Variants in PLEKHM2 observed in about 807,000 individuals in gnomAD.
PLEKHM2 encodes the protein pleckstrin homology domain-containing family M member 2.
Under a neutral mutation model 116.3 loss-of-function variants are expected in PLEKHM2, and 77 were observed. The observed-to-expected ratio is 0.66, with a 90% confidence interval of 0.55 to 0.80. The LOEUF (loss-of-function observed/expected upper bound fraction) is 0.80, where lower values mean the gene tolerates loss of function less well. PLEKHM2 is among the 30% of genes least tolerant of loss of function. The pLI is 0.00. For synonymous variants in PLEKHM2, 562 were observed against 571.0 expected (o/e 0.98, Z 0.22); for missense variants, 1,183 against 1,354.9 (o/e 0.87, Z 1.99).
chr1:15,696,574 C>T (rs1641001747), intron 1 of PLEKHM2, among the ~76,000 whole-genome samples: 1 of 152,096 alleles, frequency 6.6e-6, no homozygotes, highest in South Asian at 2.1e-4. Context: ...TGGTCTCGAA[C>T]TCCTGACCTC....
intron 17 of PLEKHM2, 81 bp from the exon 18 acceptor site, chr1:15,732,269 G>A (rs951806962): frequency 1.1e-5 from 14 of 1,228,986 alleles, no homozygotes; most frequent in Non-Finnish European, 1.6e-5. Flanking sequence ...CAGAAGGGCT[G>A]GCTGGTCCCC....
rs1023138243 is a variant in PLEKHM2 at position 15,728,551 on chromosome 1, C to G, written c.1922-118C>G. The G allele has an allele frequency of 9.6e-7, 1 of 1,044,832 alleles. No individual in the cohort carries two copies. The highest frequency in any genetic ancestry group is 1.4e-6 in the Non-Finnish European group (1 of 694,790). The allele number at this position is 1,044,832 out of a possible 1,614,324, so 64.7% of individuals were successfully genotyped here. ...CCCTCTGTGAGCACTCCACGCCATT[C>G]TCCTACTGCAGGGCAAGGAGAGGCC... is the stretch of plus-strand genomic sequence containing the variant. On this transcript the variant is annotated intron_variant, in intron 11 of 19. Transcript: ENST00000375799. This position sits in a 1 kb window ranked among gnomAD's most constrained non-coding sequence, Gnocchi z 5.9.
intron 1 of PLEKHM2, among the ~76,000 whole-genome samples, chr1:15,712,118 CAAAAAAAAA>C (rs1005404755): frequency 3.9e-5 from 2 of 51,688 alleles, no homozygotes; most frequent in Non-Finnish European, 8.8e-5. Flanking sequence ...GATTCAGTCT[CAAAAAAAAA>C]AAAAAAAAAA....
rs150468285 is a variant in PLEKHM2 at position 15,702,679 on chromosome 1, A to G, written c.61-13558A>G. 2.4e-3 allele frequency among the ~76,000 whole-genome samples: 355 copies of G among 149,650 alleles called. 2 individuals carry two copies. The highest frequency in any genetic ancestry group is 8.4e-3 in the African/African-American group (341 of 40,680). ...GTGATCTCTCCACCTTGACCTCCCA[A>G]AGTGCTGGGATTACAGGCATAAGCC... On this transcript the variant is annotated intron_variant, in intron 1 of 19. Coordinates refer to ENST00000375799, the MANE Select transcript of PLEKHM2 (RefSeq NM_015164.4).
intron 16 of PLEKHM2, 76 bp from the exon 17 acceptor site, chr1:15,731,813 G>A (rs528835994): frequency 1.3e-5 from 17 of 1,338,290 alleles, no homozygotes; most frequent in Admixed American, 8.2e-5. Flanking sequence ...CGCACACCCC[G>A]CACCAACCCT....
At position 15,731,241 on chromosome 1, in the gene PLEKHM2, C is replaced by T. The variant is rs1274706690; in HGVS notation, c.2449C>T (p.Leu817Phe). 1.3e-6 allele frequency: 2 copies of T among 1,592,810 alleles called. No homozygotes were observed. The highest frequency in any genetic ancestry group is 2.3e-5 in the East Asian group (1 of 43,888). The change falls in exon 16 of 20, where the codon CTC becomes TTC. Residue 817 changes from leucine (L) to phenylalanine (F), a missense_variant. Leu to Phe is a conservative substitution (Grantham distance 22). This residue lies in a region of PLEKHM2 where 594 missense variants were observed against 720.1 expected (regional missense o/e 0.82). Transcript: ENST00000375799. ...GGACCGCACCGACGTCATCCCTCTGCTCTCGGTGAACATGGGGTAAGTGTC... is the reference window on the plus strand; with the variant it reads ...GGACCGCACCGACGTCATCCCTCTGTTCTCGGTGAACATGGGGTAAGTGTC... ...YPDRTDVIPL[L>F]SVNMGGEQCG... is the part of the protein sequence containing the mutation.
At chr1:15,684,682 G>A in intron 1 of PLEKHM2, 64 bp downstream of exon 1, 1 of 1,006,652 alleles carries the variant, frequency 9.9e-7, no homozygotes, top group Non-Finnish European at 1.3e-6. Context: ...CCCTCCGGCG[G>A]CGCTCTCCCG....
At chr1:15,711,584 TC>T (rs1202993221) in intron 1 of PLEKHM2, among the ~76,000 whole-genome samples, 1 of 146,548 alleles carries the variant, frequency 6.8e-6, no homozygotes, top group Non-Finnish European at 1.5e-5. Context: ...GCCAGTGCAC[TC>T]CAGCCTGGGC....
intron 4 of PLEKHM2, 54 bp from the exon 5 acceptor site, chr1:15,718,484 G>T: frequency 1.9e-6 from 2 of 1,065,062 alleles, no homozygotes; most frequent in Non-Finnish European, 2.8e-6. Flanking sequence ...GTAAGGTTAG[G>T]CCAGGCTGGT....
chr1:15,684,513 CGGCGGCGGCGGT>C lies in PLEKHM2; in HGVS notation c.-40_-29del. 9.6e-7 allele frequency: 1 copy of C among 1,037,386 alleles called. No homozygotes were observed. Among genetic ancestry groups the C allele is most frequent in the Non-Finnish European group, 1.2e-6 (1 of 848,166 alleles). 64.3% of individuals were successfully genotyped at this position (1,037,386 alleles called of 1,614,324 possible). A position where few individuals can be genotyped will look rare whatever the true frequency, so the allele number is the denominator to read the frequency against. ...CCCGGCGCGGGAAGCGGCGGCGGGGCGGCGGCGGCGGTGGCGGTGGCGGTGGCGGCGACGGTG... is the reference window on the plus strand; with the variant it reads ...CCCGGCGCGGGAAGCGGCGGCGGGGCGGCGGTGGCGGTGGCGGCGACGGTG... On this transcript the variant is annotated 5_prime_UTR_variant, in exon 1 of 20. Coordinates refer to ENST00000375799, the MANE Select transcript of PLEKHM2 (RefSeq NM_015164.4).
At chr1:15,685,635 A>G (rs906210846) in intron 1 of PLEKHM2, among the ~76,000 whole-genome samples, 1 of 152,152 alleles carries the variant, frequency 6.6e-6, no homozygotes, top group African/African-American at 2.4e-5. Context: ...TTGAAGAAGC[A>G]AAATGGATAG....
chr1:15,730,797 C>G (rs897130193), intron 15 of PLEKHM2, 75 bp downstream of exon 15: 1 of 1,223,944 alleles, frequency 8.2e-7, no homozygotes, highest in African/African-American at 1.5e-5. Flanking sequence ...CAGCGGGGAT[C>G]TCTCCGCAGC....
At chr1:15,684,721 C>A in intron 1 of PLEKHM2, 103 bp downstream of exon 1, 1 of 571,852 alleles carries the variant, frequency 1.7e-6, no homozygotes, top group Non-Finnish European at 2.5e-6. Flanking sequence ...TTCCCCTCCG[C>A]GACCCGGGGG....
At chr1:15,704,298 G>C (rs1027350361) in intron 1 of PLEKHM2, among the ~76,000 whole-genome samples, 4 of 151,166 alleles carry the variant, frequency 2.6e-5, no homozygotes, top group Admixed American at 6.6e-5. Flanking sequence ...CACTCCCTCC[G>C]TCCCTCCCTC....
rs1357492376 is a variant in PLEKHM2 at position 15,719,362 on chromosome 1, GA to G, written c.466-370del. On this transcript the variant is annotated intron_variant, in intron 5 of 19. Transcript: ENST00000375799. This position sits in a 1 kb window ranked among gnomAD's most constrained non-coding sequence, Gnocchi z 4.1. ...AGCTACTTGGGAGGCTGAGGCAGGA[GA>G]ATCGCTCGAACCCGGGAGGTGGAAG... is the stretch of plus-strand genomic sequence containing the variant. Among the ~76,000 whole-genome samples the G allele has an allele frequency of 1.3e-5, 2 of 152,046 alleles. No individual in the cohort carries two copies. The highest frequency in any genetic ancestry group is 4.8e-5 in the African/African-American group (2 of 41,408).
chr1:15,714,800 C>A (rs987209380), intron 1 of PLEKHM2, among the ~76,000 whole-genome samples: 3 of 152,262 alleles, frequency 2.0e-5, no homozygotes, highest in African/African-American at 7.2e-5. Flanking sequence ...TTGTGTTCCA[C>A]TCCCTTCTGG....
At chr1:15,700,070 G>A (rs553235904) in intron 1 of PLEKHM2, among the ~76,000 whole-genome samples, 2 of 152,076 alleles carry the variant, frequency 1.3e-5, no homozygotes, top group African/African-American at 4.8e-5. Context: ...GAAGCGGCAG[G>A]CACCCAGCAG....
rs1293894993 is a variant in PLEKHM2, at chr1:15,721,539, G to A, written c.712+151G>A. Among the ~76,000 whole-genome samples the A allele has an allele frequency of 3.3e-5, 5 of 152,134 alleles. No individual in the cohort carries two copies. Among genetic ancestry groups the A allele is most frequent in the African/African-American group, 7.2e-5 (3 of 41,416 alleles). On this transcript the variant is annotated intron_variant, in intron 7 of 19. Transcript: ENST00000375799. The surrounding 1 kb of genome is among the most constrained non-coding windows in gnomAD (Gnocchi z 5.1). ...TTGGTGTTCTAATAGATGGAATTCT[G>A]CAGTGGGAAAACTCAACCTCTAGCC...
chr1:15,720,719 C>T (rs751431522), intron 6 of PLEKHM2: 1 of 152,334 alleles, frequency 6.6e-6, no homozygotes, highest in Middle Eastern at 3.2e-3. Flanking sequence ...CCTTGACCTT[C>T]CCCTTTCTTT....
Sources: allele counts gnomAD v4.1 joint callset (sites outside exome capture counted in the v4.1 genomes callset), GRCh38; gene constraint gnomAD v4.1.1; regional missense constraint gnomAD v4.1.1; non-coding constraint Gnocchi (gnomAD v3.1); transcripts MANE v1.5; gene names NCBI Gene and HGNC (gene_info 2026-07-23, HGNC 2026-07-21).